Variants in TMEM164 observed in about 807,000 individuals in gnomAD.
TMEM164 encodes transmembrane protein 164, also known as RP13-360B22.2.
Under a neutral mutation model 18.8 loss-of-function variants are expected in TMEM164, and 4 were observed. That is an observed-to-expected ratio of 0.21 (90% CI 0.10 to 0.49). TMEM164 has a LOEUF of 0.49. TMEM164 is among the 20% of genes least tolerant of loss of function. The pLI is 0.98. For synonymous variants in TMEM164, 86 were observed against 101.7 expected, an observed-to-expected ratio of 0.85 and a Z score of 0.93; for missense variants, 108 against 239.9, an observed-to-expected ratio of 0.45 and a Z score of 3.63.
intron 2 of TMEM164, among the ~76,000 whole-genome samples, chrX:110,056,867 A>G (rs4628434): frequency 0.48 from 52,406 of 109,215 alleles, 10,316 homozygotes; most frequent in Non-Finnish European, 0.62. Flanking sequence ...AAGGTTATTT[A>G]TCTTTTTATT....
chrX:110,038,014 G>A (rs1308078671), intron 2 of TMEM164, among the ~76,000 whole-genome samples: 6 of 83,413 alleles, frequency 7.2e-5, no homozygotes, highest in Admixed American at 5.5e-4. Context: ...TTTTTGAGAC[G>A]GAGTCTCGCT....
chrX:110,158,061 A>AT (rs112587472), intron 5 of TMEM164, among the ~76,000 whole-genome samples: 6,065 of 110,695 alleles, frequency 0.055, 418 homozygotes, highest in African/African-American at 0.19. Flanking sequence ...TAATTTTTAT[A>AT]TTTTTAGTAG....
chrX:110,028,448 T>A (rs1934304812), intron 2 of TMEM164, among the ~76,000 whole-genome samples: 1 of 112,314 alleles, frequency 8.9e-6, no homozygotes, highest in Admixed American at 9.4e-5. Flanking sequence ...GCTTAGCTTA[T>A]TTATTTTTAG....
chrX:110,037,056 T>C (rs919960958), intron 2 of TMEM164, among the ~76,000 whole-genome samples: 1 of 111,008 alleles, frequency 9.0e-6, no homozygotes, highest in Admixed American at 9.6e-5. Context: ...CACAGTAACA[T>C]TGACATTGTA....
intron 3 of TMEM164, among the ~76,000 whole-genome samples, chrX:110,079,485 G>A (rs891496354): frequency 4.5e-5 from 5 of 111,723 alleles, no homozygotes; most frequent in Non-Finnish European, 9.4e-5. Context: ...CTTCAGGATC[G>A]TGTTCCATCT....
At chrX:110,134,591 A>G (rs1569344366) in intron 4 of TMEM164, among the ~76,000 whole-genome samples, 1 of 94,610 alleles carries the variant, frequency 1.1e-5, no homozygotes, top group Non-Finnish European at 2.1e-5. Flanking sequence ...AAAAAGGACC[A>G]GTGGCTGCCC....
At chrX:110,023,259 T>C (rs1934003927) in intron 2 of TMEM164, among the ~76,000 whole-genome samples, 2 of 111,738 alleles carry the variant, frequency 1.8e-5, no homozygotes, top group African/African-American at 6.5e-5. Flanking sequence ...TAGGGCACTT[T>C]CCTACTCCTC....
chrX:110,126,259 G>T (rs1287758573), intron 4 of TMEM164, among the ~76,000 whole-genome samples: 1 of 111,782 alleles, frequency 8.9e-6, no homozygotes, highest in Non-Finnish European at 1.9e-5. Context: ...ACAGAAGGAC[G>T]AGGGAATCCT....
chrX:110,086,626 ATG>A (rs1438386493), intron 3 of TMEM164, among the ~76,000 whole-genome samples: 6 of 66,345 alleles, frequency 9.0e-5, no homozygotes, highest in African/African-American at 1.2e-4. Flanking sequence ...ATGTGTATAT[ATG>A]TATATATGTG....
rs186087378 is a variant in TMEM164 at position 110,053,031 on chromosome X, G to A, written c.391-14316G>A. On this transcript the variant is annotated intron_variant, in intron 2 of 6. Coordinates refer to ENST00000372068, the MANE Select transcript of TMEM164 (RefSeq NM_032227.4). ...CTCCCAAAGTGCTGGGATTACAGGC[G>A]TGAGCCACCATGCCTGGCCTACATG... 1.7e-4 allele frequency among the ~76,000 whole-genome samples: 19 copies of A among 111,474 alleles called. No individual in the cohort carries two copies. In the South Asian group the frequency reaches 6.0e-3, roughly 35 times the overall value.
At chrX:110,073,386 A>G (rs1437728972) in intron 3 of TMEM164, among the ~76,000 whole-genome samples, 1 of 111,858 alleles carries the variant, frequency 8.9e-6, no homozygotes, top group Admixed American at 9.5e-5. Context: ...GCTTCTACTC[A>G]CAAGTGAGAA....
chrX:110,171,030 G>T lies in TMEM164; in HGVS notation c.587-390G>T, dbSNP rs963468597. Among the ~76,000 whole-genome samples the T allele has an allele frequency of 3.6e-5, 4 of 112,269 alleles. No homozygotes were observed. In the East Asian group the frequency reaches 1.1e-3, roughly 31 times the overall value. ...TCTTTAGAAACACGAGGAAATAAATGTGGGAATGAAGGGTATACAATTATG... is the reference window on the plus strand; with the variant it reads ...TCTTTAGAAACACGAGGAAATAAATTTGGGAATGAAGGGTATACAATTATG... On this transcript the variant is annotated intron_variant, in intron 5 of 6. Transcript: ENST00000372068.
intron 2 of TMEM164, among the ~76,000 whole-genome samples, chrX:110,029,795 G>A (rs979362178): frequency 8.1e-5 from 9 of 110,914 alleles, no homozygotes; most frequent in Non-Finnish European, 1.3e-4. Context: ...TTCTGATTGC[G>A]TTTCCTAAAT....
chrX:110,108,973 T>G (rs1014332961), intron 3 of TMEM164, 107 bp from the exon 4 acceptor site: 23 of 698,993 alleles, frequency 3.3e-5, no homozygotes, highest in Non-Finnish European at 5.2e-5. Context: ...GAGCAACTTG[T>G]ATACATAGTT....
intron 4 of TMEM164, among the ~76,000 whole-genome samples, chrX:110,140,337 T>C (rs1315863139): frequency 9.0e-6 from 1 of 111,420 alleles, no homozygotes; most frequent in Non-Finnish European, 1.9e-5. Context: ...GGCCCAGTTG[T>C]GTAAGGTTAT....
intron 3 of TMEM164, among the ~76,000 whole-genome samples, chrX:110,103,265 T>C (rs58244657): frequency 0.046 from 5,214 of 112,147 alleles, 272 homozygotes; most frequent in African/African-American, 0.15. Context: ...GACAAGAGGC[T>C]CAGGATACTA....
intron 2 of TMEM164, among the ~76,000 whole-genome samples, chrX:110,006,782 C>T (rs1331457325): frequency 8.9e-6 from 1 of 112,216 alleles, no homozygotes; most frequent in African/African-American, 3.2e-5. Context: ...TAAAATGTTT[C>T]CTGCAACAGT....
At chrX:110,041,041 C>A in intron 2 of TMEM164, among the ~76,000 whole-genome samples, 1 of 111,819 alleles carries the variant, frequency 8.9e-6, no homozygotes, top group African/African-American at 3.3e-5. Flanking sequence ...GCCCATATAG[C>A]CAGAATGGAA....
At chrX:110,038,563 G>A (rs1175177104) in intron 2 of TMEM164, among the ~76,000 whole-genome samples, 2 of 110,984 alleles carry the variant, frequency 1.8e-5, no homozygotes, top group Non-Finnish European at 3.8e-5. Flanking sequence ...ATCTCCTGGT[G>A]TCAGGAGATC....
Sources: allele counts gnomAD v4.1 joint callset (sites outside exome capture counted in the v4.1 genomes callset), GRCh38; gene constraint gnomAD v4.1.1; transcripts MANE v1.5; gene names NCBI Gene and HGNC (gene_info 2026-07-23, HGNC 2026-07-21).